The following CDH18 variants were observed in gnomAD, a reference collection of about 807,000 sequenced individuals.
CDH18 encodes cadherin-18.
Under a neutral mutation model 67.9 loss-of-function variants are expected in CDH18, and 31 were observed. The ratio of observed to expected loss-of-function variants is 0.46; its 90% confidence interval spans 0.34 to 0.62. CDH18 has a LOEUF of 0.62. CDH18 is among the 20% of genes least tolerant of loss of function. CDH18 has a pLI of 0.01. For synonymous variants in CDH18, 362 were observed against 347.2 expected, an observed-to-expected ratio of 1.04 and a Z score of -0.48; for missense variants, 890 against 975.5, an observed-to-expected ratio of 0.91 and a Z score of 1.17.
intron 9 of CDH18, among the ~76,000 whole-genome samples, chr5:19,532,157 CT>C (rs984915084): frequency 1.3e-5 from 2 of 150,998 alleles, no homozygotes; most frequent in Admixed American, 1.3e-4. Context: ...TTTTTTGGGT[CT>C]TTTTTTTTAA....
At chr5:20,438,645 A>G (rs140261680) in intron 1 of CDH18, among the ~76,000 whole-genome samples, 98 of 151,532 alleles carry the variant, frequency 6.5e-4, no homozygotes, top group South Asian at 1.7e-3. Flanking sequence ...TATGATCAAT[A>G]TGAGAAATGA....
At chr5:19,705,990 T>TGG in intron 5 of CDH18, among the ~76,000 whole-genome samples, 1 of 152,200 alleles carries the variant, frequency 6.6e-6, no homozygotes, top group Non-Finnish European at 1.5e-5. Flanking sequence ...ATGGTAAAGC[T>TGG]TCTTATTCTG....
At chr5:20,501,515 T>G (rs1754263276) in intron 1 of CDH18, among the ~76,000 whole-genome samples, 1 of 117,522 alleles carries the variant, frequency 8.5e-6, no homozygotes, top group African/African-American at 3.3e-5. Context: ...TTTATATATA[T>G]TATATACATA....
At position 20,183,261 on chromosome 5, in the gene CDH18, A is replaced by G. The variant is rs985552997; in HGVS notation, c.-518+72183T>C. 4.6e-5 allele frequency among the ~76,000 whole-genome samples: 7 copies of G among 152,258 alleles called. No individual in the cohort carries two copies. In the East Asian group the frequency reaches 7.7e-4, roughly 17 times the overall value. Reference sequence around the variant, plus strand: ...TATTTTTAGAAATCAAAATAACCTTAGATTCATGTACACAGAACCGCTTTT... The same window carrying G: ...TATTTTTAGAAATCAAAATAACCTTGGATTCATGTACACAGAACCGCTTTT... On this transcript the variant is annotated intron_variant, in intron 2 of 14. Transcript: ENST00000507958.
chr5:20,005,313 A>T (rs1736797351), intron 2 of CDH18, among the ~76,000 whole-genome samples: 1 of 152,082 alleles, frequency 6.6e-6, no homozygotes. Flanking sequence ...ATAACTTGCC[A>T]TATTATCCAA....
chr5:19,553,026 C>T (rs965754337), intron 8 of CDH18, among the ~76,000 whole-genome samples: 7 of 151,952 alleles, frequency 4.6e-5, no homozygotes, highest in African/African-American at 1.5e-4. Flanking sequence ...ACTTCAGGGA[C>T]CAAAAAACAG....
In CDH18 at chr5:20,137,920, C is replaced by T. The variant is rs190132251; in HGVS notation, c.-518+117524G>A. On this transcript the variant is annotated intron_variant, in intron 2 of 14. Coordinates refer to the CDH18 transcript ENST00000507958. ...GCTGGTACCATTCCTTCTGAAACAA[C>T]TCCAATCAATAGAAAAAGAGGGAAT... is the stretch of plus-strand genomic sequence containing the variant. Among the ~76,000 whole-genome samples the T allele has an allele frequency of 8.5e-5, 13 of 152,124 alleles. No individual in the cohort carries two copies. The East Asian group carries it at 2.5e-3, about 30-fold the overall frequency.
At chr5:20,563,765 T>G (rs1758348349) in intron 1 of CDH18, among the ~76,000 whole-genome samples, 1 of 152,150 alleles carries the variant, frequency 6.6e-6, no homozygotes, top group African/African-American at 2.4e-5. Context: ...GTTAGAGAGC[T>G]CTATTGCTTA....
At chr5:20,151,459 T>C (rs1054940985) in intron 2 of CDH18, among the ~76,000 whole-genome samples, 1 of 152,116 alleles carries the variant, frequency 6.6e-6, no homozygotes, top group South Asian at 2.1e-4. Flanking sequence ...TACATATGCA[T>C]GTGTCTTTTG....
intron 10 of CDH18, among the ~76,000 whole-genome samples, chr5:19,515,584 T>C (rs1395772059): frequency 6.6e-6 from 1 of 152,200 alleles, no homozygotes; most frequent in Non-Finnish European, 1.5e-5. Context: ...TAAGTTGTAT[T>C]CCTAGGTATT....
chr5:20,291,794 G>T (rs931482391), intron 1 of CDH18, among the ~76,000 whole-genome samples: 1 of 152,074 alleles, frequency 6.6e-6, no homozygotes, highest in African/African-American at 2.4e-5. Flanking sequence ...ACAAGAGTAG[G>T]TCCAAAGCAA....
intron 10 of CDH18, among the ~76,000 whole-genome samples, chr5:19,505,679 T>C (rs989869235): frequency 3.3e-5 from 5 of 152,216 alleles, no homozygotes; most frequent in East Asian, 1.9e-4. Flanking sequence ...CACTTGATCA[T>C]GGTGGATAAG....
intron 2 of CDH18, among the ~76,000 whole-genome samples, chr5:20,038,844 G>A (rs1292794096): frequency 1.3e-5 from 2 of 152,074 alleles, no homozygotes; most frequent in Non-Finnish European, 2.9e-5. Flanking sequence ...ATCTGGCCAG[G>A]GAGATCAGGA....
chr5:19,530,520 T>C, intron 9 of CDH18, among the ~76,000 whole-genome samples: 1 of 152,174 alleles, frequency 6.6e-6, no homozygotes, highest in Admixed American at 6.5e-5. Flanking sequence ...GCCATGTTGG[T>C]GTGCTGCACC....
At chr5:20,316,770 T>C (rs538360654) in intron 1 of CDH18, among the ~76,000 whole-genome samples, 1 of 152,044 alleles carries the variant, frequency 6.6e-6, no homozygotes, top group Non-Finnish European at 1.5e-5. Context: ...TTAGTTATTG[T>C]TTATTTATTA....
At chr5:19,840,337 G>C (rs751791394) in intron 2 of CDH18, among the ~76,000 whole-genome samples, 3 of 149,072 alleles carry the variant, frequency 2.0e-5, no homozygotes, top group Non-Finnish European at 4.5e-5. Context: ...GTTATACTAT[G>C]ATTGGGCAAC....
At chr5:19,583,587 G>A (rs1743627465) in intron 7 of CDH18, among the ~76,000 whole-genome samples, 2 of 152,128 alleles carry the variant, frequency 1.3e-5, no homozygotes, top group South Asian at 4.2e-4. Context: ...GGATTGGTCT[G>A]GAGGTATAAT....
intron 1 of CDH18, among the ~76,000 whole-genome samples, chr5:20,361,646 T>A (rs1742096477): frequency 2.6e-5 from 4 of 152,148 alleles, no homozygotes; most frequent in African/African-American, 9.6e-5. Flanking sequence ...GCTGATAAAC[T>A]GGGGAGTTAT....
At chr5:19,939,794 T>C (rs1794639400) in intron 2 of CDH18, among the ~76,000 whole-genome samples, 1 of 151,848 alleles carries the variant, frequency 6.6e-6, no homozygotes, top group Non-Finnish European at 1.5e-5. Context: ...AACTCAATAA[T>C]AGTTCATAAT....
Sources: allele counts gnomAD v4.1 joint callset (sites outside exome capture counted in the v4.1 genomes callset), GRCh38; gene constraint gnomAD v4.1.1; transcripts MANE v1.5; gene names NCBI Gene and HGNC (gene_info 2026-07-23, HGNC 2026-07-21).